The following EFNB2 variants were observed in gnomAD, a reference collection of about 807,000 sequenced individuals.
The protein encoded by EFNB2 is ephrin-B2.
Under a neutral mutation model 32.1 loss-of-function variants are expected in EFNB2, and 5 were observed. The observed-to-expected ratio is 0.16, with a 90% confidence interval of 0.08 to 0.33. The LOEUF (loss-of-function observed/expected upper bound fraction) is 0.33, where lower values mean the gene tolerates loss of function less well. Among genes scored for constraint, EFNB2 ranks in the 10% least tolerant of loss-of-function variants. EFNB2 has a pLI of 1.00. For missense variants in EFNB2, 263 were observed against 422.6 expected, an observed-to-expected ratio of 0.62 and a Z score of 3.31; for synonymous variants, 168 against 166.5, an observed-to-expected ratio of 1.01 and a Z score of -0.07.
Position 106,526,065 on chromosome 13 carries a change from T to G in EFNB2, c.122+8778A>C, listed in dbSNP as rs1462122363. 2.0e-5 allele frequency among the ~76,000 whole-genome samples: 3 copies of G among 152,120 alleles called. No individual in the cohort carries two copies. In the East Asian group the frequency reaches 5.8e-4, roughly 29 times the overall value. ...TGGGAGCTTGTTAAACATGTCCATC[T>G]TCAAGCCCCACCCCAGACCTCAGGA... On this transcript the variant is annotated intron_variant, in intron 1 of 4. Transcript: ENST00000646441.
At chr13:106,500,361 CA>C (rs928870671) in intron 2 of EFNB2, among the ~76,000 whole-genome samples, 1 of 151,962 alleles carries the variant, frequency 6.6e-6, no homozygotes, top group Non-Finnish European at 1.5e-5. Context: ...CGGGGAAGCA[CA>C]AAAAAATCCT....
chr13:106,520,966 C>T (rs1244732586), intron 1 of EFNB2: 1 of 152,140 alleles, frequency 6.6e-6, no homozygotes, highest in South Asian at 2.1e-4. Flanking sequence ...GAGGGCACCA[C>T]TATCTTCTCA....
chr13:106,531,152 T>C (rs1879857301), intron 1 of EFNB2, among the ~76,000 whole-genome samples: 1 of 152,200 alleles, frequency 6.6e-6, no homozygotes, highest in Non-Finnish European at 1.5e-5. Context: ...GCTTAGCAAA[T>C]CATCTTAACC....
chr13:106,520,074 C>T (rs1386563688), intron 1 of EFNB2: 3 of 152,164 alleles, frequency 2.0e-5, no homozygotes, highest in African/African-American at 7.2e-5. Context: ...AATCATTGAA[C>T]TGTACAAACA....
chr13:106,510,689 G>C (rs1879114180), intron 2 of EFNB2, among the ~76,000 whole-genome samples: 1 of 151,194 alleles, frequency 6.6e-6, no homozygotes, highest in South Asian at 2.1e-4. Context: ...ATGCCTAACA[G>C]TAGCTTTCAC....
chr13:106,500,728 C>T (rs1387768228), intron 2 of EFNB2, among the ~76,000 whole-genome samples: 4 of 152,200 alleles, frequency 2.6e-5, no homozygotes, highest in Non-Finnish European at 5.9e-5. Context: ...TCCAGCATGT[C>T]CTCACATGCT....
chr13:106,515,904 C>T (rs1046406318), intron 1 of EFNB2, among the ~76,000 whole-genome samples: 8 of 152,114 alleles, frequency 5.3e-5, no homozygotes, highest in African/African-American at 1.7e-4. Context: ...TTGTGCCAGA[C>T]ATTATGAGTG....
intron 2 of EFNB2, among the ~76,000 whole-genome samples, chr13:106,503,265 T>C (rs1878843372): frequency 6.6e-6 from 1 of 151,336 alleles, no homozygotes; most frequent in Non-Finnish European, 1.5e-5. Context: ...AATTTCAAAA[T>C]AAAAAACAAA....
intron 1 of EFNB2, chr13:106,520,275 A>G (rs1309778558): frequency 6.6e-6 from 1 of 152,230 alleles, no homozygotes; most frequent in East Asian, 1.9e-4. Flanking sequence ...GTCAAAGCCT[A>G]CAGTGAAGAA....
At chr13:106,498,822 A>G (rs1280794379) in intron 2 of EFNB2, among the ~76,000 whole-genome samples, 1 of 152,224 alleles carries the variant, frequency 6.6e-6, no homozygotes, top group Non-Finnish European at 1.5e-5. Context: ...TGGGCTGAAC[A>G]GTCTGAATGC....
chr13:106,522,617 A>T (rs1177687872), intron 1 of EFNB2, among the ~76,000 whole-genome samples: 2 of 152,208 alleles, frequency 1.3e-5, no homozygotes, highest in Non-Finnish European at 2.9e-5. Context: ...CAATACTACA[A>T]TCTAGAGTTA....
chr13:106,500,157 G>C (rs1182898150), intron 2 of EFNB2, among the ~76,000 whole-genome samples: 5 of 152,208 alleles, frequency 3.3e-5, no homozygotes, highest in African/African-American at 1.2e-4. Context: ...CCATCCCCAG[G>C]AAGAGGAAGT....
At chr13:106,498,018 A>G (rs1268833357) in intron 2 of EFNB2, among the ~76,000 whole-genome samples, 2 of 152,158 alleles carry the variant, frequency 1.3e-5, no homozygotes, top group African/African-American at 2.4e-5. Flanking sequence ...TGGAATCCCA[A>G]TGTTTTTAAA....
intron 2 of EFNB2, among the ~76,000 whole-genome samples, chr13:106,502,401 A>T (rs565180817): frequency 1.6e-4 from 25 of 152,350 alleles, no homozygotes; most frequent in Non-Finnish European, 3.1e-4. Context: ...ATTCATGATG[A>T]ACAATAATAG....
At chr13:106,513,537 C>G (rs922860752) in intron 1 of EFNB2, among the ~76,000 whole-genome samples, 13 of 152,056 alleles carry the variant, frequency 8.5e-5, no homozygotes, top group Admixed American at 2.0e-4. Context: ...GTATTTGCTC[C>G]AATTAATTCT....
intron 4 of EFNB2, among the ~76,000 whole-genome samples, chr13:106,494,376 C>T (rs962478031): frequency 2.6e-5 from 4 of 152,154 alleles, no homozygotes; most frequent in Non-Finnish European, 4.4e-5. Context: ...TGTCAGGGAC[C>T]TGTTTAATAT....
intron 2 of EFNB2, among the ~76,000 whole-genome samples, chr13:106,501,369 T>C (rs1878771411): frequency 1.3e-5 from 2 of 152,182 alleles, no homozygotes; most frequent in African/African-American, 4.8e-5. Flanking sequence ...TATGTGTTTT[T>C]CACTGTGGCT....
At chr13:106,503,268 AAAAC>A (rs1329468800) in intron 2 of EFNB2, among the ~76,000 whole-genome samples, 4 of 152,198 alleles carry the variant, frequency 2.6e-5, no homozygotes, top group Non-Finnish European at 5.9e-5. Flanking sequence ...TTCAAAATAA[AAAAC>A]AAAACAAAAA....
At chr13:106,509,371 A>G (rs1879058780) in intron 2 of EFNB2, among the ~76,000 whole-genome samples, 1 of 152,102 alleles carries the variant, frequency 6.6e-6, no homozygotes, top group South Asian at 2.1e-4. Context: ...TTATTATAAC[A>G]CTGCTCGTTC....
Sources: gnomAD v4.1 joint callset for allele counts (sites outside exome capture counted in the v4.1 genomes callset) on GRCh38, gnomAD v4.1.1 for gene constraint, MANE v1.5 for transcripts, NCBI Gene and HGNC (gene_info 2026-07-23, HGNC 2026-07-21) for gene names.